The following C2orf42 variants were observed in gnomAD, a reference collection of about 807,000 sequenced individuals.
C2orf42 encodes the protein chromosome 2 open reading frame 42.
C2orf42 carries 44 observed loss-of-function variants against 58.9 expected under a neutral mutation model. The ratio of observed to expected loss-of-function variants is 0.75; its 90% CI spans 0.59 to 0.96. The LOEUF (loss-of-function observed/expected upper bound fraction) is 0.96. C2orf42 is among the 40% of genes least tolerant of loss of function. C2orf42 has a pLI of 0.00. For missense variants in C2orf42, 630 were observed against 699.2 expected (o/e 0.90, Z 1.12); for synonymous variants, 239 against 265.4 (o/e 0.90, Z 0.97).
rs192348406 is a variant in C2orf42, at chr2:70,150,075, C to T, written c.*281G>A. 1.4e-4 allele frequency: 62 copies of T among 454,122 alleles called. No individual in the cohort carries two copies. In the East Asian group the frequency reaches 2.1e-3, roughly 15 times the overall value. The allele number at this position is 454,122 out of a possible 1,614,324, so 28.1% of individuals were successfully genotyped here. ...TTGAAATAAACGCTAAAGATGAGTC[C>T]GTAAGAAGGAAAATAAGCTGGTTTT... On this transcript the variant is annotated 3_prime_UTR_variant, in exon 10 of 10. Transcript: ENST00000264434.
intron 8 of C2orf42, among the ~76,000 whole-genome samples, chr2:70,163,406 G>A (rs1011979586): frequency 6.6e-5 from 10 of 151,544 alleles, no homozygotes; most frequent in African/African-American, 2.2e-4. Context: ...CACCATGCCC[G>A]GCTAATTTTT....
chr2:70,161,784 G>A (rs1161989108), intron 8 of C2orf42, among the ~76,000 whole-genome samples: 1 of 149,272 alleles, frequency 6.7e-6, no homozygotes, highest in Admixed American at 6.9e-5. Context: ...AGGTTGAGGT[G>A]AGCCAAGATC....
In C2orf42 at chr2:70,165,192, G is replaced by A; in HGVS notation, c.1253C>T (p.Ala418Val). 1 of 1,578,440 alleles carries A rather than the reference G, an allele frequency of 6.3e-7. No homozygotes were observed. Among genetic ancestry groups the A allele is most frequent in the Non-Finnish European group, 8.7e-7 (1 of 1,156,008 alleles). The change falls in exon 8 of 10, where the codon GCT becomes GTT. Residue 418 changes from alanine (A) to valine (V), a missense_variant and splice_region_variant. Coordinates refer to ENST00000264434, the MANE Select transcript of C2orf42 (RefSeq NM_017880.3). ...AKKRLPNSTT[A>V]FVRKDALPLG... Reference sequence around the variant, plus strand: ...TGGCAAGGCATCTTTCCGAACAAAAGCTTCAACGTGAAAAAAGGACAAAAT... The same window carrying A: ...TGGCAAGGCATCTTTCCGAACAAAAACTTCAACGTGAAAAAAGGACAAAAT...
intron 4 of C2orf42, among the ~76,000 whole-genome samples, chr2:70,178,121 G>C (rs939295760): frequency 1.3e-5 from 2 of 152,190 alleles, no homozygotes; most frequent in African/African-American, 4.8e-5. Context: ...TTTTAATTTT[G>C]CATTTCTAAA....
chr2:70,150,172 C>G lies in C2orf42; in HGVS notation c.*184G>C. On this transcript the variant is annotated 3_prime_UTR_variant, in exon 10 of 10. Transcript: ENST00000264434. ...TAATGAAGACTGTACACAGCAGCAT[C>G]AAAAAGGCTATTTACAAGAGATTTT... 1.6e-6 allele frequency: 1 copy of G among 611,742 alleles called. No individual in the cohort carries two copies. The highest frequency in any genetic ancestry group is 2.9e-6 in the Non-Finnish European group (1 of 344,376). 37.9% of individuals were successfully genotyped at this position (611,742 alleles called of 1,614,324 possible).
At chr2:70,185,938 C>T (rs1055228140) in intron 1 of C2orf42, among the ~76,000 whole-genome samples, 8 of 146,010 alleles carry the variant, frequency 5.5e-5, no homozygotes, top group Admixed American at 4.9e-4. Flanking sequence ...GAATGTTTAA[C>T]AGTATCCCTG....
chr2:70,173,267 C>CTTTTTTTTTTTTTTTTTTTT (rs202063318), intron 5 of C2orf42, among the ~76,000 whole-genome samples: 1 of 95,752 alleles, frequency 1.0e-5, no homozygotes, highest in African/African-American at 4.7e-5. Flanking sequence ...TGCGTAAGTT[C>CTTTTTTTTTTTTTTTTTTTT]TTTTTTTTTT....
Position 70,167,961 on chromosome 2 carries a change from G to A in C2orf42, c.1144+1596C>T, listed in dbSNP as rs567401520. Among the ~76,000 whole-genome samples the A allele has an allele frequency of 3.6e-4, 54 of 151,920 alleles. 2 individuals carry two copies. Among genetic ancestry groups the A allele is most frequent in the Admixed American group, 3.3e-3 (51 of 15,248 alleles). ...ATATTCTGTTTTCTGGGCTGGGCAC[G>A]GTGGTTCACGCCTGTAATCCCAGCA... On this transcript the variant is annotated intron_variant, in intron 6 of 9. Transcript: ENST00000264434.
rs1182514916 is a variant in C2orf42, at chr2:70,189,406, C to CAAA, written c.-282+1564_-282+1566dup. 2.4e-3 allele frequency among the ~76,000 whole-genome samples: 65 copies of CAAA among 27,128 alleles called. 3 individuals carry two copies. The highest frequency in any genetic ancestry group is 4.0e-3 in the African/African-American group (42 of 10,512). The allele number at this position is 27,128 out of a possible 152,430, so 17.8% of individuals were successfully genotyped here. A position where few individuals can be genotyped will look rare whatever the true frequency, so the allele number is the denominator to read the frequency against. ...GGGGAACAAGAGAGAAACTCCATCTCAAAAAAAAAAAAAAAAAAAAAAAAA... is the reference window on the plus strand; with the variant it reads ...GGGGAACAAGAGAGAAACTCCATCTCAAAAAAAAAAAAAAAAAAAAAAAAAAAA... On this transcript the variant is annotated intron_variant, in intron 1 of 9. Coordinates refer to ENST00000264434, the MANE Select transcript of C2orf42 (RefSeq NM_017880.3).
chr2:70,157,555 G>T (rs1039325048), intron 9 of C2orf42, among the ~76,000 whole-genome samples: 1 of 152,192 alleles, frequency 6.6e-6, no homozygotes, highest in Admixed American at 6.5e-5. Flanking sequence ...CCAGAACTTT[G>T]GGAGGCCAAG....
intron 6 of C2orf42, among the ~76,000 whole-genome samples, chr2:70,168,788 C>G (rs926196851): frequency 2.0e-5 from 3 of 149,664 alleles, no homozygotes; most frequent in Non-Finnish European, 3.0e-5. Flanking sequence ...TCTTGGCTCA[C>G]TGCAACCTCC....
intron 1 of C2orf42, among the ~76,000 whole-genome samples, chr2:70,188,619 G>T (rs924655959): frequency 8.6e-5 from 13 of 152,002 alleles, no homozygotes; most frequent in African/African-American, 3.1e-4. Flanking sequence ...TATAAACATG[G>T]GACATTTGTC....
At chr2:70,168,530 C>T (rs946316906) in intron 6 of C2orf42, among the ~76,000 whole-genome samples, 5 of 151,278 alleles carry the variant, frequency 3.3e-5, no homozygotes, top group Admixed American at 6.6e-5. Flanking sequence ...CCTCGTGATC[C>T]GCCCGCCTCA....
chr2:70,159,846 A>G (rs1672943898), intron 9 of C2orf42, among the ~76,000 whole-genome samples: 1 of 152,022 alleles, frequency 6.6e-6, no homozygotes, highest in Admixed American at 6.6e-5. Context: ...TTCATTTACT[A>G]TTATCACTAC....
intron 4 of C2orf42, among the ~76,000 whole-genome samples, chr2:70,178,190 A>G (rs1339436510): frequency 6.6e-6 from 1 of 152,200 alleles, no homozygotes; most frequent in Non-Finnish European, 1.5e-5. Context: ...GTGTGGACCA[A>G]GTAATATTTT....
intron 9 of C2orf42, among the ~76,000 whole-genome samples, chr2:70,155,809 GA>G (rs72000944): frequency 0.46 from 64,495 of 141,166 alleles, 16,383 homozygotes; most frequent in African/African-American, 0.72. Flanking sequence ...CAAAAAAAAA[GA>G]AAAAAAAAAA....
intron 6 of C2orf42, among the ~76,000 whole-genome samples, chr2:70,169,250 CACACACACACACA>C: frequency 1.4e-5 from 1 of 70,880 alleles, no homozygotes; most frequent in East Asian, 4.1e-4. Context: ...TCCCTCACCA[CACACACACACACA>C]CACACACACA....
At chr2:70,158,331 G>A (rs948173531) in intron 9 of C2orf42, among the ~76,000 whole-genome samples, 3 of 152,016 alleles carry the variant, frequency 2.0e-5, no homozygotes, top group African/African-American at 4.8e-5. Flanking sequence ...AGGTACTGAG[G>A]ACAGGGAGAA....
At chr2:70,178,684 C>T (rs992453134) in intron 4 of C2orf42, among the ~76,000 whole-genome samples, 1 of 151,592 alleles carries the variant, frequency 6.6e-6, no homozygotes, top group Non-Finnish European at 1.5e-5. Flanking sequence ...CCTGTAATCC[C>T]AGCACTATGG....
Sources: gnomAD v4.1 joint callset for allele counts (sites outside exome capture counted in the v4.1 genomes callset) on GRCh38, gnomAD v4.1.1 for gene constraint, MANE v1.5 for transcripts, NCBI Gene and HGNC (gene_info 2026-07-23, HGNC 2026-07-21) for gene names.